The following SHTN1 variants were observed in gnomAD, a reference collection of about 807,000 sequenced individuals.
SHTN1 encodes the protein shootin 1.
In SHTN1, 42 loss-of-function variants were observed where a neutral mutation model predicts 83.1. That is an observed-to-expected ratio of 0.51 (90% confidence interval 0.39 to 0.65). SHTN1 has a LOEUF of 0.65. Among genes scored for constraint, SHTN1 ranks in the 30% least tolerant of loss-of-function variants. The pLI is 0.00. For synonymous variants in SHTN1, 224 were observed against 247.7 expected (o/e 0.90, Z 0.90); for missense variants, 622 against 737.8 (o/e 0.84, Z 1.82).
Position 117,056,072 on chromosome 10 carries a change from T to C in SHTN1, c.-188-7562A>G, listed in dbSNP as rs542401062. On this transcript the variant is annotated intron_variant, in intron 1 of 17. Transcript: ENST00000392901. ...TCCTATAACCATCAAAGAAGTTGAA[T>C]TGTAATTAAAAACCTGAAAAAGAAA... Among the ~76,000 whole-genome samples, 3 of 152,232 alleles carry C rather than the reference T, an allele frequency of 2.0e-5. No homozygotes were observed. The South Asian group carries it at 6.2e-4, about 32-fold the overall frequency.
chr10:117,024,743 G>A (rs1057022732), intron 2 of SHTN1, among the ~76,000 whole-genome samples: 2 of 152,150 alleles, frequency 1.3e-5, no homozygotes, highest in Admixed American at 1.3e-4. Context: ...AAGTAGTTAG[G>A]TTAAAATATA....
chr10:116,995,671 G>C (rs571154630), intron 1 of SHTN1, among the ~76,000 whole-genome samples: 1 of 152,028 alleles, frequency 6.6e-6, no homozygotes, highest in Non-Finnish European at 1.5e-5. Context: ...GGATACAATT[G>C]AAAATACTGG....
chr10:117,122,160 T>G (rs936592279), intron 1 of SHTN1, among the ~76,000 whole-genome samples: 3 of 152,200 alleles, frequency 2.0e-5, no homozygotes, highest in African/African-American at 7.2e-5. Flanking sequence ...TTATTTTTTA[T>G]TTTCATATTG....
chr10:117,003,970 C>T (rs180971118), intron 1 of SHTN1, among the ~76,000 whole-genome samples: 1 of 152,270 alleles, frequency 6.6e-6, no homozygotes, highest in Admixed American at 6.5e-5. Flanking sequence ...TCTTGGCTCA[C>T]CGCAACCTCC....
intron 2 of SHTN1, among the ~76,000 whole-genome samples, chr10:117,014,830 T>G (rs1852157875): frequency 6.6e-6 from 1 of 152,212 alleles, no homozygotes; most frequent in African/African-American, 2.4e-5. Flanking sequence ...TAGTTTTATA[T>G]AAGAAATGAT....
At chr10:116,895,391 T>C (rs1456355377) in intron 16 of SHTN1, among the ~76,000 whole-genome samples, 1 of 152,208 alleles carries the variant, frequency 6.6e-6, no homozygotes, top group East Asian at 1.9e-4. Flanking sequence ...TTATTGGACA[T>C]TTGGCATGAA....
intron 2 of SHTN1, among the ~76,000 whole-genome samples, chr10:117,040,626 C>A (rs1208165306): frequency 6.6e-6 from 1 of 152,232 alleles, no homozygotes; most frequent in South Asian, 2.1e-4. Context: ...GAATCTAAAA[C>A]GGTTTTTTAA....
chr10:117,027,942 TCAG>T (rs1400400392), intron 2 of SHTN1, among the ~76,000 whole-genome samples: 1 of 152,186 alleles, frequency 6.6e-6, no homozygotes, highest in Non-Finnish European at 1.5e-5. Flanking sequence ...TTTGGAGGGC[TCAG>T]AAGAAGACAG....
chr10:116,984,296 T>C (rs1407200158), intron 1 of SHTN1, among the ~76,000 whole-genome samples: 1 of 152,182 alleles, frequency 6.6e-6, no homozygotes, highest in African/African-American at 2.4e-5. Flanking sequence ...AAATGTAAAA[T>C]TCAGTTCTTC....
At position 117,022,614 on chromosome 10, in the gene SHTN1, T is replaced by C. The variant is rs185761743; in HGVS notation, c.-123+25831A>G. Reference sequence around the variant, plus strand: ...TTCGTATTCAGTGTTTTGAAGTGTTTCATTAATATCTTAAAACATGTGTAG... The same window carrying C: ...TTCGTATTCAGTGTTTTGAAGTGTTCCATTAATATCTTAAAACATGTGTAG... On this transcript the variant is annotated intron_variant, in intron 2 of 17. Coordinates refer to the SHTN1 transcript ENST00000392901. Among the ~76,000 whole-genome samples the C allele has an allele frequency of 3.9e-3, 587 of 152,304 alleles. 4 individuals carry two copies. The highest frequency in any genetic ancestry group is 0.013 in the African/African-American group (554 of 41,568).
At chr10:116,963,043 T>G (rs1037934219) in intron 3 of SHTN1, among the ~76,000 whole-genome samples, 9 of 5,626 alleles carry the variant, frequency 1.6e-3, no homozygotes, top group South Asian at 0.013. Flanking sequence ...AAGTTTTTTT[T>G]TTTTTTTTTT....
chr10:117,000,099 T>G (rs1303797695), intron 1 of SHTN1, among the ~76,000 whole-genome samples: 2 of 152,180 alleles, frequency 1.3e-5, no homozygotes, highest in Non-Finnish European at 2.9e-5. Flanking sequence ...GTGATTCAGA[T>G]GCAGCTGGCC....
intron 1 of SHTN1, among the ~76,000 whole-genome samples, chr10:117,055,725 A>G (rs1852817862): frequency 6.6e-6 from 1 of 152,172 alleles, no homozygotes; most frequent in Admixed American, 6.5e-5. Flanking sequence ...TAAATTAGCC[A>G]GGGATCGTGG....
intron 1 of SHTN1, among the ~76,000 whole-genome samples, chr10:117,099,293 G>A (rs559733043): frequency 6.6e-6 from 1 of 152,108 alleles, no homozygotes; most frequent in East Asian, 1.9e-4. Flanking sequence ...CACTGCTTGG[G>A]TGACGGGGTG....
At chr10:116,975,646 A>AT (rs1362765174) in intron 2 of SHTN1, among the ~76,000 whole-genome samples, 1 of 151,744 alleles carries the variant, frequency 6.6e-6, no homozygotes, top group Admixed American at 6.6e-5. Flanking sequence ...AAAGTCACTG[A>AT]TAAAAAAAAA....
chr10:116,924,241 G>A (rs1423125662), intron 11 of SHTN1, among the ~76,000 whole-genome samples: 6 of 152,026 alleles, frequency 3.9e-5, no homozygotes, highest in African/African-American at 1.2e-4. Context: ...CCACTCCATG[G>A]CGGGCTGGGT....
chr10:117,061,135 C>CTTTTTTTTTTTTTTT (rs5788206), intron 1 of SHTN1, among the ~76,000 whole-genome samples: 3 of 127,264 alleles, frequency 2.4e-5, no homozygotes, highest in Non-Finnish European at 3.4e-5. Context: ...AAGCTTTAGT[C>CTTTTTTTTTTTTTTT]TTTTTTTTTT....
At chr10:117,028,458 A>C (rs1852360600) in intron 2 of SHTN1, among the ~76,000 whole-genome samples, 1 of 152,160 alleles carries the variant, frequency 6.6e-6, no homozygotes, top group Admixed American at 6.5e-5. Context: ...AGACAATGGA[A>C]AAAAGGCCTC....
intron 1 of SHTN1, among the ~76,000 whole-genome samples, chr10:117,121,411 C>T (rs1853925115): frequency 6.6e-6 from 1 of 151,842 alleles, no homozygotes; most frequent in African/African-American, 2.4e-5. Flanking sequence ...AACTCTGCCT[C>T]TACTAAAAAT....
Sources: allele counts gnomAD v4.1 joint callset (sites outside exome capture counted in the v4.1 genomes callset), GRCh38; gene constraint gnomAD v4.1.1; transcripts MANE v1.5; gene names NCBI Gene and HGNC (gene_info 2026-07-23, HGNC 2026-07-21).